The following GLIS1 variants were observed in gnomAD, a reference collection of about 807,000 sequenced individuals.
The protein encoded by GLIS1 is zinc finger protein GLIS1.
GLIS1 carries 24 observed loss-of-function variants against 63.8 expected under a neutral mutation model. The ratio of observed to expected loss-of-function variants is 0.38; its 90% confidence interval spans 0.27 to 0.53. GLIS1 has a LOEUF of 0.53. Among genes scored for constraint, GLIS1 ranks in the 20% least tolerant of loss-of-function variants. The pLI is 0.85. For missense variants in GLIS1, 1,036 were observed against 1,074.1 expected, an observed-to-expected ratio of 0.96 and a Z score of 0.50; for synonymous variants, 450 against 482.5, an observed-to-expected ratio of 0.93 and a Z score of 0.88.
At chr1:53,583,777 G>A (rs1232237094) in intron 4 of GLIS1, among the ~76,000 whole-genome samples, 1 of 152,228 alleles carries the variant, frequency 6.6e-6, no homozygotes, top group Non-Finnish European at 1.5e-5. Context: ...ATCACTTACA[G>A]ACCACGGAGG....
At chr1:53,616,704 C>T (rs556745720) in intron 2 of GLIS1, among the ~76,000 whole-genome samples, 2 of 152,252 alleles carry the variant, frequency 1.3e-5, no homozygotes, top group African/African-American at 4.8e-5. Context: ...GAGATAATGT[C>T]ACTGTCCTGG....
At chr1:53,558,997 G>A (rs1644859957) in intron 4 of GLIS1, among the ~76,000 whole-genome samples, 1 of 152,160 alleles carries the variant, frequency 6.6e-6, no homozygotes, top group South Asian at 2.1e-4. Flanking sequence ...TGCCTGTGCT[G>A]TCCCAGAAAC....
chr1:53,691,121 T>C (rs1262728080), intron 2 of GLIS1, among the ~76,000 whole-genome samples: 1 of 152,016 alleles, frequency 6.6e-6, no homozygotes, highest in Non-Finnish European at 1.5e-5. Context: ...TTTGGGAGGC[T>C]GAGTCAGGAG....
rs75554957 is a variant in GLIS1, at chr1:53,610,439, G to A, written c.260-10161C>T. On this transcript the variant is annotated intron_variant, in intron 2 of 10. Transcript: ENST00000628545. ...TTCATTACTTCTGAAGAATATTTCT[G>A]CTGGGTATAGAATTCTAAGTTGGCA... Among the ~76,000 whole-genome samples the A allele has an allele frequency of 3.6e-3, 541 of 152,278 alleles. 3 individuals carry two copies. Among genetic ancestry groups the A allele is most frequent in the African/African-American group, 0.013 (528 of 41,554 alleles).
intron 2 of GLIS1, among the ~76,000 whole-genome samples, chr1:53,733,411 G>A (rs1444464561): frequency 6.6e-6 from 1 of 152,124 alleles, no homozygotes; most frequent in Admixed American, 6.5e-5. Flanking sequence ...CCACAGCTCT[G>A]AAGCTCTGCA....
chr1:53,636,475 T>G (rs75336975), intron 2 of GLIS1, among the ~76,000 whole-genome samples: 1 of 152,060 alleles, frequency 6.6e-6, no homozygotes, highest in African/African-American at 2.4e-5. Flanking sequence ...ATAAAGAATA[T>G]TTGCAAAAAG....
chr1:53,569,368 T>G (rs770838196), intron 4 of GLIS1, among the ~76,000 whole-genome samples: 8 of 152,170 alleles, frequency 5.3e-5, no homozygotes, highest in Non-Finnish European at 1.0e-4. Context: ...TGTGAGATGT[T>G]GATAGCAGGG....
intron 2 of GLIS1, among the ~76,000 whole-genome samples, chr1:53,653,375 GC>G (rs1645929498): frequency 6.6e-6 from 1 of 152,058 alleles, no homozygotes; most frequent in African/African-American, 2.4e-5. Context: ...TCCTCTCAGG[GC>G]CCCCAGTGGA....
chr1:53,515,465 G>T (rs74086342), intron 7 of GLIS1, among the ~76,000 whole-genome samples: 1 of 151,980 alleles, frequency 6.6e-6, no homozygotes, highest in Non-Finnish European at 1.5e-5. Flanking sequence ...TTGCATGGGC[G>T]GTACACTGAA....
At chr1:53,587,316 T>G (rs748500159) in intron 4 of GLIS1, among the ~76,000 whole-genome samples, 1 of 152,154 alleles carries the variant, frequency 6.6e-6, no homozygotes, top group Non-Finnish European at 1.5e-5. Context: ...AGTGACATGA[T>G]CCCAGGAAGG....
chr1:53,612,153 C>T (rs759895461), intron 2 of GLIS1, among the ~76,000 whole-genome samples: 8 of 152,208 alleles, frequency 5.3e-5, no homozygotes, highest in Non-Finnish European at 1.2e-4. Flanking sequence ...TTCATAACTG[C>T]CACATCTGTT....
intron 2 of GLIS1, among the ~76,000 whole-genome samples, chr1:53,679,473 G>A (rs941240715): frequency 6.6e-6 from 1 of 152,174 alleles, no homozygotes; most frequent in Admixed American, 6.5e-5. Context: ...CCAGGAAAAA[G>A]GGCCAGCCCA....
At chr1:53,620,554 T>G (rs1645532217) in intron 2 of GLIS1, among the ~76,000 whole-genome samples, 1 of 152,246 alleles carries the variant, frequency 6.6e-6, no homozygotes, top group African/African-American at 2.4e-5. Flanking sequence ...GGATGTTGTT[T>G]CGTTTCGGCT....
chr1:53,554,892 G>A (rs1300887127), intron 4 of GLIS1, among the ~76,000 whole-genome samples: 3 of 152,178 alleles, frequency 2.0e-5, no homozygotes, highest in African/African-American at 2.4e-5. Context: ...CCATCAGGGC[G>A]TGTGAGGTGT....
At chr1:53,524,016 A>G (rs925615696) in intron 6 of GLIS1, among the ~76,000 whole-genome samples, 5 of 152,248 alleles carry the variant, frequency 3.3e-5, no homozygotes, top group African/African-American at 1.2e-4. Flanking sequence ...TCCTTCCTCA[A>G]GACCAATGAA....
intron 3 of GLIS1, among the ~76,000 whole-genome samples, chr1:53,595,995 C>T (rs1358008935): frequency 1.3e-5 from 2 of 152,228 alleles, no homozygotes; most frequent in Non-Finnish European, 1.5e-5. Context: ...TGAGATCAGG[C>T]TCAGCCACAT....
Position 53,532,279 on chromosome 1 carries a change from C to T in GLIS1, c.1321-2327G>A, listed in dbSNP as rs573167068. Reference sequence around the variant, plus strand: ...AGCAGTTCCAGAGGAGGGTCACCAACGCCCCATCCAGGGCAGAGGTGGCAG... The same window carrying T: ...AGCAGTTCCAGAGGAGGGTCACCAATGCCCCATCCAGGGCAGAGGTGGCAG... On this transcript the variant is annotated intron_variant, in intron 4 of 10. Transcript: ENST00000628545. Among the ~76,000 whole-genome samples, 27 of 152,318 alleles carry T rather than the reference C, an allele frequency of 1.8e-4. 1 individual carries two copies. The South Asian group carries it at 3.5e-3, about 20-fold the overall frequency.
At chr1:53,583,652 T>C (rs1038021322) in intron 4 of GLIS1, among the ~76,000 whole-genome samples, 10 of 152,166 alleles carry the variant, frequency 6.6e-5, no homozygotes, top group Admixed American at 3.9e-4. Flanking sequence ...TCCCAGCCAT[T>C]TGGAAATTGC....
intron 2 of GLIS1, among the ~76,000 whole-genome samples, chr1:53,675,891 C>A (rs1470324434): frequency 6.6e-6 from 1 of 151,648 alleles, no homozygotes; most frequent in Non-Finnish European, 1.5e-5. Flanking sequence ...CCTACCCCAC[C>A]CCATCCCACC....
Sources: gnomAD v4.1 joint callset for allele counts (sites outside exome capture counted in the v4.1 genomes callset) on GRCh38, gnomAD v4.1.1 for gene constraint, MANE v1.5 for transcripts, NCBI Gene and HGNC (gene_info 2026-07-23, HGNC 2026-07-21) for gene names.